Variants in RBMS3 observed in about 807,000 individuals in gnomAD.
RBMS3 encodes the protein RNA-binding motif, single-stranded-interacting protein 3.
Under a neutral mutation model 66.8 loss-of-function variants are expected in RBMS3, and 27 were observed. That is an observed-to-expected ratio of 0.40 (90% CI 0.30 to 0.56). The LOEUF (loss-of-function observed/expected upper bound fraction) is 0.56, where lower values mean the gene tolerates loss of function less well. RBMS3 is among the 20% of genes least tolerant of loss of function. The pLI, the probability that RBMS3 is intolerant of heterozygous loss-of-function variation, is 0.40. For missense variants in RBMS3, 513 were observed against 549.5 expected, an observed-to-expected ratio of 0.93 and a Z score of 0.66; for synonymous variants, 188 against 183.0, an observed-to-expected ratio of 1.03 and a Z score of -0.22.
intron 1 of RBMS3, among the ~76,000 whole-genome samples, chr3:29,309,985 G>A (rs13085214): frequency 1.3e-5 from 2 of 151,666 alleles, no homozygotes; most frequent in South Asian, 4.1e-4. Context: ...GTTTGTGAAA[G>A]AGGGAGGCTT....
intron 4 of RBMS3, among the ~76,000 whole-genome samples, chr3:29,704,961 T>C (rs1188656347): frequency 6.6e-6 from 1 of 152,224 alleles, no homozygotes; most frequent in Non-Finnish European, 1.5e-5. Context: ...TGTCAAGATA[T>C]CTTGTCACAT....
chr3:29,834,976 GGAGTAGT>G (rs568114950), intron 6 of RBMS3, among the ~76,000 whole-genome samples: 42 of 152,000 alleles, frequency 2.8e-4, no homozygotes, highest in African/African-American at 9.9e-4. Context: ...AAAAAGAGCA[GGAGTAGT>G]TATATTTCTA....
intron 1 of RBMS3, among the ~76,000 whole-genome samples, chr3:29,411,709 T>G (rs747393220): frequency 6.6e-6 from 1 of 152,242 alleles, no homozygotes; most frequent in Non-Finnish European, 1.5e-5. Flanking sequence ...GCAGTTTCCC[T>G]GTTCAGTGTG....
At position 30,003,954 on chromosome 3, in the gene RBMS3, T is replaced by C; in HGVS notation, c.*92T>C. ...GGCTTCCAGTTTGCACAGACGTCAATGGAATGCATTTTTTTGTTGTTGTTG... is the reference window on the plus strand; with the variant it reads ...GGCTTCCAGTTTGCACAGACGTCAACGGAATGCATTTTTTTGTTGTTGTTG... On this transcript the variant is annotated 3_prime_UTR_variant, in exon 15 of 15. Coordinates refer to ENST00000383767, the MANE Select transcript of RBMS3 (RefSeq NM_001003793.3). 1.8e-6 allele frequency: 2 copies of C among 1,101,048 alleles called. No homozygotes were observed. Among genetic ancestry groups the C allele is most frequent in the Non-Finnish European group, 2.5e-6 (2 of 811,978 alleles). The allele number at this position is 1,101,048 out of a possible 1,614,324, so 68.2% of individuals were successfully genotyped here. A position where few individuals can be genotyped will look rare whatever the true frequency, so the allele number is the denominator to read the frequency against.
At chr3:29,980,106 G>A (rs1697882933) in intron 12 of RBMS3, among the ~76,000 whole-genome samples, 1 of 152,190 alleles carries the variant, frequency 6.6e-6, no homozygotes, top group South Asian at 2.1e-4. Context: ...GTTGTTTCAT[G>A]AGTTGTTAAT....
chr3:29,737,236 A>G (rs879582712), intron 4 of RBMS3, among the ~76,000 whole-genome samples: 26 of 152,146 alleles, frequency 1.7e-4, no homozygotes, highest in Non-Finnish European at 3.5e-4. Context: ...CGGCCTCCCA[A>G]AGTGCTGGGA....
chr3:29,655,707 T>A (rs935922565), intron 4 of RBMS3, among the ~76,000 whole-genome samples: 14 of 152,234 alleles, frequency 9.2e-5, no homozygotes, highest in Non-Finnish European at 1.9e-4. Flanking sequence ...TATTTTAGAA[T>A]GTACCACTTC....
chr3:29,643,089 A>T (rs373791952), intron 4 of RBMS3, among the ~76,000 whole-genome samples: 5 of 152,174 alleles, frequency 3.3e-5, no homozygotes, highest in African/African-American at 1.2e-4. Flanking sequence ...TTAAGAAAAA[A>T]TAGGCACTTT....
At chr3:29,525,935 A>G (rs1359537718) in intron 3 of RBMS3, among the ~76,000 whole-genome samples, 1 of 152,178 alleles carries the variant, frequency 6.6e-6, no homozygotes, top group Non-Finnish European at 1.5e-5. Flanking sequence ...CTAAAAAGAC[A>G]GGATGGTTTA....
chr3:29,561,507 C>T (rs1322102912), intron 3 of RBMS3, among the ~76,000 whole-genome samples: 1 of 152,108 alleles, frequency 6.6e-6, no homozygotes, highest in Non-Finnish European at 1.5e-5. Context: ...GGCTGGAGTG[C>T]AGTGGCACAA....
At chr3:29,455,714 C>T (rs1481750096) in intron 2 of RBMS3, among the ~76,000 whole-genome samples, 1 of 151,970 alleles carries the variant, frequency 6.6e-6, no homozygotes, top group East Asian at 1.9e-4. Flanking sequence ...GAAGGTGCAT[C>T]CTAGCTTCCT....
chr3:30,002,105 C>G (rs765196041), intron 14 of RBMS3, among the ~76,000 whole-genome samples: 1 of 151,966 alleles, frequency 6.6e-6, no homozygotes, highest in Non-Finnish European at 1.5e-5. Flanking sequence ...ATTTTAAAGA[C>G]CAAGCAAATT....
chr3:29,310,301 T>TG (rs898168175), intron 1 of RBMS3, among the ~76,000 whole-genome samples: 3 of 151,698 alleles, frequency 2.0e-5, no homozygotes, highest in Admixed American at 1.3e-4. Flanking sequence ...GTGAATAAGC[T>TG]GGGGGGGCCC....
chr3:29,306,139 G>A (rs576040245), intron 1 of RBMS3, among the ~76,000 whole-genome samples: 54 of 151,838 alleles, frequency 3.6e-4, no homozygotes, highest in African/African-American at 8.4e-4. Context: ...TTGCATGTAC[G>A]GCATCTAGTG....
intron 4 of RBMS3, among the ~76,000 whole-genome samples, chr3:29,610,545 C>G (rs975872160): frequency 6.6e-6 from 1 of 151,988 alleles, no homozygotes; most frequent in African/African-American, 2.4e-5. Flanking sequence ...TTGTAATTAG[C>G]CTGTCAAAGG....
chr3:29,541,593 T>A (rs2045762699), intron 3 of RBMS3, among the ~76,000 whole-genome samples: 1 of 152,156 alleles, frequency 6.6e-6, no homozygotes, highest in Admixed American at 6.5e-5. Context: ...TGCAGATGCC[T>A]CCTAAATTGG....
intron 2 of RBMS3, among the ~76,000 whole-genome samples, chr3:29,482,552 C>A (rs958383485): frequency 2.0e-5 from 3 of 152,174 alleles, no homozygotes; most frequent in Admixed American, 2.0e-4. Context: ...CCAATGTTTT[C>A]TTTGGACTTT....
intron 5 of RBMS3, among the ~76,000 whole-genome samples, chr3:29,749,270 CAGT>C (rs550069847): frequency 1.3e-3 from 191 of 152,254 alleles, no homozygotes; most frequent in African/African-American, 4.4e-3. Flanking sequence ...AACTCAAAAA[CAGT>C]AGTCAGTGCT....
At chr3:29,919,995 A>G (rs1031708707) in intron 10 of RBMS3, among the ~76,000 whole-genome samples, 1 of 152,234 alleles carries the variant, frequency 6.6e-6, no homozygotes, top group African/African-American at 2.4e-5. Flanking sequence ...TAGAAAAGCC[A>G]GTTGTTCCCT....
Sources: gnomAD v4.1 joint callset for allele counts (sites outside exome capture counted in the v4.1 genomes callset) on GRCh38, gnomAD v4.1.1 for gene constraint, MANE v1.5 for transcripts, NCBI Gene and HGNC (gene_info 2026-07-23, HGNC 2026-07-21) for gene names.